NUBPL: variants seen among roughly 807,000 people sequenced by gnomAD.
The protein encoded by NUBPL is iron-sulfur cluster transfer protein NUBPL.
In NUBPL, 31 loss-of-function variants were observed where a neutral mutation model predicts 45.7. The observed-to-expected ratio is 0.68, with a 90% CI of 0.51 to 0.92. NUBPL has a LOEUF of 0.92. Among genes scored for constraint, NUBPL ranks in the 40% least tolerant of loss-of-function variants. The pLI is 0.00. For synonymous variants in NUBPL, 144 were observed against 140.9 expected, an observed-to-expected ratio of 1.02 and a Z score of -0.15; for missense variants, 401 against 398.7, an observed-to-expected ratio of 1.01 and a Z score of -0.05.
At chr14:31,608,029 G>A (rs144047490) in intron 4 of NUBPL, among the ~76,000 whole-genome samples, 36 of 152,288 alleles carry the variant, frequency 2.4e-4, no homozygotes, top group African/African-American at 7.9e-4. Flanking sequence ...TGGAGCTCCA[G>A]TACCTCTGGC....
At chr14:31,637,134 T>G (rs1345716439) in intron 4 of NUBPL, among the ~76,000 whole-genome samples, 3 of 152,154 alleles carry the variant, frequency 2.0e-5, no homozygotes, top group Non-Finnish European at 2.9e-5. Context: ...CTGCTAGCTT[T>G]TGAATGTGTT....
intron 8 of NUBPL, among the ~76,000 whole-genome samples, chr14:31,841,984 A>G (rs1477159074): frequency 1.7e-5 from 2 of 116,614 alleles, no homozygotes; most frequent in Middle Eastern, 8.6e-3. Flanking sequence ...GGGCTGGAGT[A>G]CAGTGGCACA....
In NUBPL at chr14:31,840,807, A is replaced by G. The variant is rs188235113; in HGVS notation, c.694-5664A>G. ...CAGTCAAACAATATAAAATTTCAAA[A>G]TAAGAAATAGAACATTACCAGCATC... On this transcript the variant is annotated intron_variant, in intron 8 of 10. Coordinates refer to ENST00000281081, the MANE Select transcript of NUBPL (RefSeq NM_025152.3). Among the ~76,000 whole-genome samples, 208 of 152,286 alleles carry G rather than the reference A, an allele frequency of 1.4e-3. 1 individual carries two copies. Among genetic ancestry groups the G allele is most frequent in the Non-Finnish European group, 2.2e-3 (147 of 68,026 alleles).
rs114564872 is a variant in NUBPL, at chr14:31,855,830, C to G, written c.898-3288C>G. On this transcript the variant is annotated intron_variant, in intron 10 of 10. Transcript: ENST00000281081. ...GTCTGGGAATTGGTCAGCTTAGGTT[C>G]AAAGCCCAGCTCATCTCTTACTAGC... is the stretch of plus-strand genomic sequence containing the variant. Among the ~76,000 whole-genome samples, 395 of 152,202 alleles carry G rather than the reference C, an allele frequency of 2.6e-3. 2 individuals are homozygous for G. The highest frequency in any genetic ancestry group is 8.7e-3 in the African/African-American group (362 of 41,516).
At chr14:31,732,751 A>T (rs1486262692) in intron 6 of NUBPL, among the ~76,000 whole-genome samples, 1 of 151,792 alleles carries the variant, frequency 6.6e-6, no homozygotes, top group African/African-American at 2.4e-5. Flanking sequence ...AGCTGGGACT[A>T]CAGGTGTGCG....
chr14:31,636,057 C>T (rs1312930553), intron 4 of NUBPL, among the ~76,000 whole-genome samples: 1 of 151,356 alleles, frequency 6.6e-6, no homozygotes, highest in Non-Finnish European at 1.5e-5. Context: ...TTGACTTCCT[C>T]TTTTCCTAAT....
intron 4 of NUBPL, chr14:31,662,067 G>GT (rs2036282774): frequency 6.6e-6 from 1 of 151,110 alleles, no homozygotes; most frequent in South Asian, 2.1e-4. Context: ...TAAATTTTCC[G>GT]TATCATCCTT....
At chr14:31,671,231 T>C (rs1395859747) in intron 4 of NUBPL, among the ~76,000 whole-genome samples, 2 of 152,200 alleles carry the variant, frequency 1.3e-5, no homozygotes, top group African/African-American at 4.8e-5. Flanking sequence ...GGATGAATAG[T>C]ATTCTATTGT....
intron 7 of NUBPL, among the ~76,000 whole-genome samples, chr14:31,794,091 T>C (rs1404692369): frequency 1.8e-5 from 1 of 56,076 alleles, no homozygotes; most frequent in African/African-American, 8.3e-5. Flanking sequence ...TAGTATTCCA[T>C]GGTGTATATG....
intron 3 of NUBPL, among the ~76,000 whole-genome samples, chr14:31,569,735 T>C (rs2033531343): frequency 6.6e-6 from 1 of 152,190 alleles, no homozygotes; most frequent in Non-Finnish European, 1.5e-5. Context: ...TCGTATCATG[T>C]TGTTAGCTTG....
chr14:31,746,199 G>A (rs936449121), intron 6 of NUBPL, among the ~76,000 whole-genome samples: 6 of 151,906 alleles, frequency 3.9e-5, no homozygotes, highest in African/African-American at 1.2e-4. Flanking sequence ...TTGCCTAATT[G>A]CTCTGGCTAG....
rs111321293 is a variant in NUBPL at position 31,859,916 on chromosome 14, C to G, written c.*736C>G. 1,346 of 152,736 alleles carry G rather than the reference C, an allele frequency of 8.8e-3. 9 individuals carry two copies. The highest frequency in any genetic ancestry group is 0.013 in the Non-Finnish European group (891 of 68,386). 9.5% of individuals were successfully genotyped at this position (152,736 alleles called of 1,614,324 possible). A position where few individuals can be genotyped will look rare whatever the true frequency, so the allele number is the denominator to read the frequency against. On this transcript the variant is annotated 3_prime_UTR_variant, in exon 11 of 11. Transcript: ENST00000281081. ...ACCTTGAGTGTCTTGCTGAGGGTTA[C>G]TGTATCTAGCAGGTGATGGAGCTTG...
At chr14:31,568,366 G>A (rs2033493736) in intron 3 of NUBPL, among the ~76,000 whole-genome samples, 1 of 152,160 alleles carries the variant, frequency 6.6e-6, no homozygotes, top group African/African-American at 2.4e-5. Context: ...GCAGCTCGCT[G>A]CCAGCACTTA....
intron 10 of NUBPL, among the ~76,000 whole-genome samples, chr14:31,851,387 GT>G (rs1281201791): frequency 1.3e-5 from 2 of 152,118 alleles, no homozygotes; most frequent in Non-Finnish European, 2.9e-5. Flanking sequence ...GGTTAGAGCT[GT>G]AAAGTAAGAG....
rs561660431 is a variant in NUBPL, at chr14:31,799,726, C to G, written c.607+11853C>G. ...ATTCAAGCCTTTATCAGGTCATGCT[C>G]TTTTTGCTGGCAGAGTGTCTTTCCT... On this transcript the variant is annotated intron_variant, in intron 7 of 10. Coordinates refer to ENST00000281081, the MANE Select transcript of NUBPL (RefSeq NM_025152.3). 1.1e-3 allele frequency among the ~76,000 whole-genome samples: 161 copies of G among 152,316 alleles called. 2 individuals carry two copies. The Middle Eastern group carries it at 0.024, about 23-fold the overall frequency.
chr14:31,651,888 G>A (rs1453186125), intron 4 of NUBPL, among the ~76,000 whole-genome samples: 1 of 141,750 alleles, frequency 7.1e-6, no homozygotes, highest in Non-Finnish European at 1.5e-5. Flanking sequence ...AACAGAGCGA[G>A]ACTCTGTCTC....
chr14:31,772,613 T>C (rs1214617035), intron 6 of NUBPL, among the ~76,000 whole-genome samples: 2 of 152,160 alleles, frequency 1.3e-5, no homozygotes, highest in South Asian at 2.1e-4. Context: ...GTTCAGAAAA[T>C]AGATTCAGAA....
intron 8 of NUBPL, among the ~76,000 whole-genome samples, chr14:31,843,292 G>C (rs1476692875): frequency 1.3e-5 from 2 of 152,348 alleles, no homozygotes; most frequent in Non-Finnish European, 2.9e-5. Flanking sequence ...TTTGAGGGAA[G>C]AAAAGTCCTA....
intron 6 of NUBPL, among the ~76,000 whole-genome samples, chr14:31,709,540 G>A (rs955944708): frequency 7.1e-6 from 1 of 140,404 alleles, no homozygotes; most frequent in African/African-American, 2.4e-5. Context: ...CAAACTCTTG[G>A]GCTGCAGCTA....
Sources: allele counts gnomAD v4.1 joint callset (sites outside exome capture counted in the v4.1 genomes callset), GRCh38; gene constraint gnomAD v4.1.1; transcripts MANE v1.5; gene names NCBI Gene and HGNC (gene_info 2026-07-23, HGNC 2026-07-21).